HIPK2: variants seen among roughly 807,000 people sequenced by gnomAD.
The protein encoded by HIPK2 is homeodomain-interacting protein kinase 2.
Under a neutral mutation model 113.7 loss-of-function variants are expected in HIPK2, and 27 were observed. The ratio of observed to expected loss-of-function variants is 0.24; its 90% CI spans 0.17 to 0.33. The LOEUF (loss-of-function observed/expected upper bound fraction) is 0.33. HIPK2 is among the 10% of genes least tolerant of loss of function. HIPK2 has a pLI of 1.00. For missense variants in HIPK2, 1,257 were observed against 1,588.0 expected, an observed-to-expected ratio of 0.79 and a Z score of 3.54; for synonymous variants, 631 against 642.2, an observed-to-expected ratio of 0.98 and a Z score of 0.26.
intron 1 of HIPK2, among the ~76,000 whole-genome samples, chr7:139,738,551 G>A (rs780713324): frequency 4.6e-5 from 7 of 152,114 alleles, no homozygotes; most frequent in African/African-American, 7.2e-5. Flanking sequence ...ACTTACCCTC[G>A]AGTCATATAA....
chr7:139,624,233 A>C (rs1049023501), intron 6 of HIPK2, among the ~76,000 whole-genome samples: 1 of 152,154 alleles, frequency 6.6e-6, no homozygotes, highest in Non-Finnish European at 1.5e-5. Flanking sequence ...CATGCTGGCC[A>C]GGCTGGTCTG....
chr7:139,711,613 C>A (rs953189252), intron 2 of HIPK2, among the ~76,000 whole-genome samples: 3 of 152,176 alleles, frequency 2.0e-5, no homozygotes, highest in South Asian at 4.2e-4. Context: ...TCACTGATTA[C>A]CCTTTGCCTG....
rs536404271 is a variant in HIPK2, at chr7:139,572,627, T to A, written c.*300A>T. The A allele has an allele frequency of 5.1e-5, 15 of 293,928 alleles. No individual in the cohort carries two copies. The highest frequency in any genetic ancestry group is 3.2e-4 in the African/African-American group (15 of 46,326). The allele number at this position is 293,928 out of a possible 1,614,324, so 18.2% of individuals were successfully genotyped here. On this transcript the variant is annotated 3_prime_UTR_variant, in exon 15 of 15. Transcript: ENST00000406875. Reference sequence around the variant, plus strand: ...TTATTGACTTTTTTTTTTTCCTTTTTCTTTTTTAAAATAAAAACCATAGAT... The same window carrying A: ...TTATTGACTTTTTTTTTTTCCTTTTACTTTTTTAAAATAAAAACCATAGAT...
At chr7:139,578,071 G>A (rs769456048) in intron 13 of HIPK2, among the ~76,000 whole-genome samples, 2 of 152,094 alleles carry the variant, frequency 1.3e-5, no homozygotes, top group South Asian at 2.1e-4. Flanking sequence ...GTACGGTGGC[G>A]TGATCTCAGC....
intron 6 of HIPK2, among the ~76,000 whole-genome samples, chr7:139,621,798 G>A (rs562980130): frequency 3.3e-5 from 5 of 151,406 alleles, no homozygotes; most frequent in Admixed American, 6.6e-5. Flanking sequence ...TGGCACGTGC[G>A]CATGGTCCCA....
intron 1 of HIPK2, among the ~76,000 whole-genome samples, chr7:139,765,560 T>G (rs1357966085): frequency 6.6e-6 from 1 of 152,240 alleles, no homozygotes; most frequent in African/African-American, 2.4e-5. Flanking sequence ...ACTTGGCACC[T>G]AGGAGAGTCC....
chr7:139,727,935 A>ATTTTT (rs10524758), intron 1 of HIPK2, among the ~76,000 whole-genome samples: 5 of 116,660 alleles, frequency 4.3e-5, no homozygotes, highest in African/African-American at 9.9e-5. Flanking sequence ...GCATTGGCTA[A>ATTTTT]TTTTTTTTTT....
intron 2 of HIPK2, among the ~76,000 whole-genome samples, chr7:139,664,924 A>G (rs1169696950): frequency 6.6e-6 from 1 of 152,228 alleles, no homozygotes. Flanking sequence ...ACAAGCGCTC[A>G]GACTCCTTCC....
At chr7:139,720,522 C>T (rs1795375957) in intron 1 of HIPK2, among the ~76,000 whole-genome samples, 1 of 152,226 alleles carries the variant, frequency 6.6e-6, no homozygotes, top group South Asian at 2.1e-4. Context: ...CGTTTCTTCC[C>T]ACTGTTCTTT....
Position 139,715,894 on chromosome 7 carries a change from G to C in HIPK2, c.1103+38C>G, listed in dbSNP as rs746683662. 168 of 1,590,318 alleles carry C rather than the reference G, an allele frequency of 1.1e-4. 1 individual carries two copies. The South Asian group carries it at 1.8e-3, about 17-fold the overall frequency. Reference sequence around the variant, plus strand: ...GCACATTCTCTGTGAGTGCCACTGGGCATTCAGCAGCTCCTGTCTCCTTGT... The same window carrying C: ...GCACATTCTCTGTGAGTGCCACTGGCCATTCAGCAGCTCCTGTCTCCTTGT... On this transcript the variant is annotated intron_variant, in intron 2 of 14. Coordinates refer to ENST00000406875, the MANE Select transcript of HIPK2 (RefSeq NM_022740.5).
At chr7:139,662,282 T>C (rs983938457) in intron 2 of HIPK2, among the ~76,000 whole-genome samples, 1 of 152,204 alleles carries the variant, frequency 6.6e-6, no homozygotes, top group Non-Finnish European at 1.5e-5. Flanking sequence ...AAGTGCCTAG[T>C]TGAAATTTAG....
chr7:139,602,785 G>A (rs1799482006), intron 10 of HIPK2, among the ~76,000 whole-genome samples: 1 of 152,172 alleles, frequency 6.6e-6, no homozygotes, highest in South Asian at 2.1e-4. Flanking sequence ...CTGCGATGGT[G>A]CATGTTAAAT....
intron 1 of HIPK2, among the ~76,000 whole-genome samples, chr7:139,726,734 G>A (rs942246006): frequency 6.6e-6 from 1 of 152,144 alleles, no homozygotes; most frequent in Non-Finnish European, 1.5e-5. Flanking sequence ...GGATGGGCTG[G>A]GCCTGCATGG....
chr7:139,652,645 AG>A (rs1041019714), intron 2 of HIPK2, among the ~76,000 whole-genome samples: 3 of 152,240 alleles, frequency 2.0e-5, no homozygotes, highest in African/African-American at 7.2e-5. Flanking sequence ...GAACAAAAAA[AG>A]ACAGTCTCTG....
chr7:139,616,288 C>T (rs1168253517), intron 7 of HIPK2, among the ~76,000 whole-genome samples: 2 of 152,204 alleles, frequency 1.3e-5, no homozygotes, highest in Non-Finnish European at 2.9e-5. Context: ...CTGGTCTCTA[C>T]TTCCCTTCCA....
At chr7:139,737,802 G>A (rs953377314) in intron 1 of HIPK2, among the ~76,000 whole-genome samples, 10 of 152,160 alleles carry the variant, frequency 6.6e-5, no homozygotes, top group East Asian at 3.8e-4. Context: ...AAAACAGTGC[G>A]GTTGCTGGGA....
At chr7:139,664,265 A>G (rs10268110) in intron 2 of HIPK2, among the ~76,000 whole-genome samples, 58,928 of 152,066 alleles carry the variant, frequency 0.39, 12,294 homozygotes, top group East Asian at 0.55. Context: ...GGTTGGGTAT[A>G]GTGGCTCAAG....
intron 14 of HIPK2, among the ~76,000 whole-genome samples, chr7:139,573,688 A>G (rs1798391412): frequency 6.6e-6 from 1 of 152,002 alleles, no homozygotes; most frequent in Non-Finnish European, 1.5e-5. Flanking sequence ...CTAAAATACA[A>G]AAAAATTAGC....
chr7:139,674,736 TAGG>T (rs1802436550), intron 2 of HIPK2, among the ~76,000 whole-genome samples: 1 of 152,240 alleles, frequency 6.6e-6, no homozygotes, highest in African/African-American at 2.4e-5. Context: ...CTTCATTAAG[TAGG>T]AGATTCTCTC....
Sources: allele counts gnomAD v4.1 joint callset (sites outside exome capture counted in the v4.1 genomes callset), GRCh38; gene constraint gnomAD v4.1.1; transcripts MANE v1.5; gene names NCBI Gene and HGNC (gene_info 2026-07-23, HGNC 2026-07-21).